Variants in ANKS1B observed in about 807,000 individuals in gnomAD.
ANKS1B encodes the protein ankyrin repeat and sterile alpha motif domain containing 1B, also known as ankyrin repeat and sterile alpha motif domain-containing protein 1B.
In ANKS1B, 36 loss-of-function variants were observed where a neutral mutation model predicts 148.3. The observed-to-expected ratio is 0.24, with a 90% CI of 0.19 to 0.32. The LOEUF (loss-of-function observed/expected upper bound fraction) is 0.32. ANKS1B is among the 10% of genes least tolerant of loss of function. The pLI, the probability that ANKS1B is intolerant of heterozygous loss-of-function variation, is 1.00. For missense variants in ANKS1B, 1,157 were observed against 1,542.6 expected (o/e 0.75, Z 4.19); for synonymous variants, 542 against 560.8 (o/e 0.97, Z 0.47).
chr12:98,960,325 G>C (rs2099869157), intron 17 of ANKS1B, among the ~76,000 whole-genome samples: 1 of 152,130 alleles, frequency 6.6e-6, no homozygotes, highest in Non-Finnish European at 1.5e-5. Context: ...GAGAAAGTAA[G>C]GGAAGAGAAC....
intron 1 of ANKS1B, among the ~76,000 whole-genome samples, chr12:99,978,426 G>C (rs1295224281): frequency 6.6e-6 from 1 of 152,160 alleles, no homozygotes; most frequent in African/African-American, 2.4e-5. Flanking sequence ...CCATCATGCA[G>C]CTGGCACTGT....
chr12:99,665,192 T>G (rs796591651), intron 8 of ANKS1B, among the ~76,000 whole-genome samples: 12 of 152,302 alleles, frequency 7.9e-5, no homozygotes, highest in African/African-American at 2.9e-4. Context: ...ACTGCTAAAG[T>G]GTTTTCCAAA....
intron 1 of ANKS1B, among the ~76,000 whole-genome samples, chr12:99,957,576 C>G (rs1414129248): frequency 6.6e-6 from 1 of 152,202 alleles, no homozygotes; most frequent in Non-Finnish European, 1.5e-5. Context: ...GCTTTTGAGT[C>G]AAGCAATCTT....
At chr12:98,920,477 G>A (rs374020380) in intron 17 of ANKS1B, among the ~76,000 whole-genome samples, 2,776 of 152,312 alleles carry the variant, frequency 0.018, 43 homozygotes, top group Non-Finnish European at 0.031. Context: ...GGAAGGAAAG[G>A]AGGAGCAAGT....
intron 22 of ANKS1B, among the ~76,000 whole-genome samples, chr12:98,789,347 A>G (rs954347506): frequency 1.3e-5 from 2 of 152,166 alleles, no homozygotes; most frequent in African/African-American, 4.8e-5. Context: ...AACAAAAACA[A>G]AAACAAAAAA....
At chr12:99,647,579 G>T (rs965169468) in intron 9 of ANKS1B, among the ~76,000 whole-genome samples, 1 of 152,078 alleles carries the variant, frequency 6.6e-6, no homozygotes, top group African/African-American at 2.4e-5. Flanking sequence ...TAGGTTGGTG[G>T]CGGGGTAGTG....
At chr12:99,891,737 A>G (rs577493170) in intron 1 of ANKS1B, among the ~76,000 whole-genome samples, 1 of 152,320 alleles carries the variant, frequency 6.6e-6, no homozygotes, top group South Asian at 2.1e-4. Flanking sequence ...AGGATACTTG[A>G]TATTAAGGAT....
intron 1 of ANKS1B, among the ~76,000 whole-genome samples, chr12:99,921,473 T>A (rs938386491): frequency 1.9e-4 from 29 of 152,118 alleles, no homozygotes; most frequent in African/African-American, 6.8e-4. Context: ...AATGGATTAA[T>A]ATACCAGGCA....
At chr12:98,890,052 G>A (rs1030601838) in intron 17 of ANKS1B, among the ~76,000 whole-genome samples, 4 of 152,182 alleles carry the variant, frequency 2.6e-5, no homozygotes, top group African/African-American at 9.7e-5. Context: ...GAAGAAGACA[G>A]GGAAGACGAC....
chr12:99,687,356 T>C (rs892412007), intron 8 of ANKS1B, among the ~76,000 whole-genome samples: 22 of 152,200 alleles, frequency 1.4e-4, no homozygotes, highest in African/African-American at 4.8e-4. Flanking sequence ...ATTCAACTTA[T>C]TGGATCTGTG....
At chr12:99,475,640 A>T (rs1210472894) in intron 10 of ANKS1B, among the ~76,000 whole-genome samples, 1 of 151,700 alleles carries the variant, frequency 6.6e-6, no homozygotes, top group East Asian at 1.9e-4. Flanking sequence ...TTGAAATTGG[A>T]TGAAATTATC....
intron 9 of ANKS1B, among the ~76,000 whole-genome samples, chr12:99,606,799 T>C (rs889143044): frequency 5.3e-5 from 8 of 152,118 alleles, no homozygotes; most frequent in African/African-American, 1.9e-4. Context: ...AAATTGATCA[T>C]GGGAAACAGG....
chr12:99,114,850 T>C (rs928026346), intron 15 of ANKS1B, among the ~76,000 whole-genome samples: 1 of 151,944 alleles, frequency 6.6e-6, no homozygotes, highest in Non-Finnish European at 1.5e-5. Context: ...AAGACATACA[T>C]GGAGCCAAGA....
intron 8 of ANKS1B, among the ~76,000 whole-genome samples, chr12:99,668,148 T>C (rs1261611206): frequency 6.6e-6 from 1 of 152,182 alleles, no homozygotes; most frequent in Non-Finnish European, 1.5e-5. Flanking sequence ...TTCATTATGA[T>C]TTAAGCTTCC....
At chr12:99,296,889 G>T (rs1257505148) in intron 12 of ANKS1B, among the ~76,000 whole-genome samples, 1 of 152,248 alleles carries the variant, frequency 6.6e-6, no homozygotes, top group East Asian at 1.9e-4. Flanking sequence ...TGAAATGATA[G>T]TTCTCTGGGA....
intron 7 of ANKS1B, among the ~76,000 whole-genome samples, chr12:99,774,136 T>C (rs1253211552): frequency 6.6e-6 from 1 of 152,042 alleles, no homozygotes; most frequent in Non-Finnish European, 1.5e-5. Flanking sequence ...ACACGCAGGA[T>C]TGGATCAAAC....
rs869064302 is a variant in ANKS1B, at chr12:99,058,719, C to CTT, written c.2626-5412_2626-5411dup. On this transcript the variant is annotated intron_variant, in intron 16 of 26. Transcript: ENST00000683438. Reference sequence around the variant, plus strand: ...TTCTCCTAATGAAATTCTATCTATCCTTTTTTTTTTTTTTTTTTTTTTTTT... The same window carrying CTT: ...TTCTCCTAATGAAATTCTATCTATCCTTTTTTTTTTTTTTTTTTTTTTTTTTT... Among the ~76,000 whole-genome samples, 327 of 80,660 alleles carry CTT rather than the reference C, an allele frequency of 4.1e-3. 62 individuals carry two copies. Among genetic ancestry groups the CTT allele is most frequent in the Middle Eastern group, 0.016 (2 of 126 alleles). 52.9% of individuals were successfully genotyped at this position (80,660 alleles called of 152,430 possible).
chr12:98,991,537 C>G (rs2099926575), intron 17 of ANKS1B, among the ~76,000 whole-genome samples: 1 of 152,162 alleles, frequency 6.6e-6, no homozygotes, highest in African/African-American at 2.4e-5. Context: ...TTAATTTTGA[C>G]TGTCTTGCAA....
intron 9 of ANKS1B, among the ~76,000 whole-genome samples, chr12:99,645,247 C>T (rs938648946): frequency 1.4e-3 from 220 of 152,320 alleles, no homozygotes; most frequent in African/African-American, 5.1e-3. Flanking sequence ...AATATCTTGC[C>T]ATTTCCTCAT....
Sources: gnomAD v4.1 joint callset for allele counts (sites outside exome capture counted in the v4.1 genomes callset) on GRCh38, gnomAD v4.1.1 for gene constraint, MANE v1.5 for transcripts, NCBI Gene and HGNC (gene_info 2026-07-23, HGNC 2026-07-21) for gene names.